The following MAPK10 variants were observed in gnomAD, a reference collection of about 807,000 sequenced individuals.
MAPK10 encodes JNK3 alpha protein kinase.
In MAPK10, 25 loss-of-function variants were observed where a neutral mutation model predicts 59.3. The ratio of observed to expected loss-of-function variants is 0.42; its 90% CI spans 0.31 to 0.59. The LOEUF (loss-of-function observed/expected upper bound fraction) is 0.59, where lower values mean the gene tolerates loss of function less well. MAPK10 is among the 20% of genes least tolerant of loss of function. The pLI, the probability that MAPK10 is intolerant of heterozygous loss-of-function variation, is 0.15. For missense variants in MAPK10, 351 were observed against 568.9 expected, an observed-to-expected ratio of 0.62 and a Z score of 3.90; for synonymous variants, 190 against 200.5, an observed-to-expected ratio of 0.95 and a Z score of 0.44.
intron 1 of MAPK10, among the ~76,000 whole-genome samples, chr4:86,496,587 C>A (rs928554429): frequency 1.3e-5 from 2 of 152,088 alleles, no homozygotes; most frequent in Non-Finnish European, 2.9e-5. Context: ...TTGAAAGGTA[C>A]AAGAATACAA....
intron 1 of MAPK10, among the ~76,000 whole-genome samples, chr4:86,541,745 G>T (rs1371954340): frequency 6.6e-5 from 10 of 152,176 alleles, no homozygotes; most frequent in Non-Finnish European, 1.5e-4. Context: ...GCAGCTCTGA[G>T]TTTCTGCTGC....
At chr4:86,358,154 C>G in intron 1 of MAPK10, 3 of 984,504 alleles carry the variant, frequency 3.0e-6, no homozygotes, top group Non-Finnish European at 3.6e-6. Context: ...GAGTCAGAAG[C>G]TTGTGATATA....
intron 4 of MAPK10, among the ~76,000 whole-genome samples, chr4:86,136,974 A>G (rs1581036638): frequency 6.6e-6 from 1 of 152,336 alleles, no homozygotes; most frequent in East Asian, 1.9e-4. Context: ...CAATTCAACA[A>G]GAAGAGCTAA....
At chr4:86,041,668 C>A (rs1371456930) in intron 11 of MAPK10, among the ~76,000 whole-genome samples, 1 of 152,134 alleles carries the variant, frequency 6.6e-6, no homozygotes, top group Non-Finnish European at 1.5e-5. Flanking sequence ...AGGACATGAA[C>A]AGACACTTCT....
chr4:86,173,628 G>T (rs573800264), intron 3 of MAPK10, among the ~76,000 whole-genome samples: 104 of 152,178 alleles, frequency 6.8e-4, no homozygotes, highest in African/African-American at 2.4e-3. Flanking sequence ...AAATTGACAA[G>T]TGGGATCTAA....
intron 3 of MAPK10, among the ~76,000 whole-genome samples, chr4:86,181,572 T>C (rs2076942012): frequency 6.6e-6 from 1 of 152,106 alleles, no homozygotes; most frequent in African/African-American, 2.4e-5. Context: ...TATGAGGATG[T>C]TGAAAAATTG....
intron 2 of MAPK10, among the ~76,000 whole-genome samples, chr4:86,228,985 C>G (rs1022537965): frequency 7.9e-5 from 12 of 152,112 alleles, no homozygotes; most frequent in African/African-American, 2.2e-4. Flanking sequence ...CTACAAGTCT[C>G]TAAATGTATC....
chr4:86,154,370 A>AG (rs1433959583), intron 4 of MAPK10, among the ~76,000 whole-genome samples: 2 of 152,104 alleles, frequency 1.3e-5, no homozygotes, highest in Non-Finnish European at 2.9e-5. Context: ...GAAAGATAGG[A>AG]GAAAAAAAAA....
In MAPK10 at chr4:86,571,238, A is replaced by G. The variant is rs142319653; in HGVS notation, c.-263+22672T>C. 5.4e-3 allele frequency among the ~76,000 whole-genome samples: 802 copies of G among 149,660 alleles called. 6 individuals carry two copies. Among genetic ancestry groups the G allele is most frequent in the South Asian group, 0.025 (119 of 4,788 alleles). ...TAAAAAATAAAATTAATTTAAAAAA[A>G]TCTTTGCAATGATATCCAAAATTTA... On this transcript the variant is annotated intron_variant, in intron 1 of 4. Transcript: ENST00000502302.
At position 86,015,557 on chromosome 4, in the gene MAPK10, T is replaced by TG. The variant is rs1289782059; in HGVS notation, c.*1670dup. 2 of 152,192 alleles carry TG rather than the reference T, an allele frequency of 1.3e-5. No individual in the cohort carries two copies. Among genetic ancestry groups the TG allele is most frequent in the Non-Finnish European group, 2.9e-5 (2 of 68,030 alleles). The allele number at this position is 152,192 out of a possible 1,614,324, so 9.4% of individuals were successfully genotyped here. A position where few individuals can be genotyped will look rare whatever the true frequency, so the allele number is the denominator to read the frequency against. On this transcript the variant is annotated 3_prime_UTR_variant, in exon 14 of 14. Transcript: ENST00000641462. ...AGCCTGATTATTGCTGAGATCACCT[T>TG]GGTATTGCCTTGTACATAACCAAGA...
At chr4:86,173,482 A>G (rs1053900593) in intron 3 of MAPK10, among the ~76,000 whole-genome samples, 1 of 152,186 alleles carries the variant, frequency 6.6e-6, no homozygotes, top group Non-Finnish European at 1.5e-5. Flanking sequence ...GAGATGGATT[A>G]AAGACTTAAA....
At chr4:86,422,421 T>C (rs1564840100) in intron 1 of MAPK10, among the ~76,000 whole-genome samples, 1 of 152,172 alleles carries the variant, frequency 6.6e-6, no homozygotes, top group African/African-American at 2.4e-5. Context: ...CAGGCACAGG[T>C]GACAAAGAGG....
chr4:86,216,453 A>T (rs1432526328), intron 2 of MAPK10, among the ~76,000 whole-genome samples: 3 of 151,666 alleles, frequency 2.0e-5, no homozygotes, highest in Non-Finnish European at 2.9e-5. Flanking sequence ...AATGGTGAAG[A>T]TGGCAAATTT....
At chr4:86,211,683 A>G (rs2085859536) in intron 2 of MAPK10, among the ~76,000 whole-genome samples, 1 of 152,156 alleles carries the variant, frequency 6.6e-6, no homozygotes, top group Non-Finnish European at 1.5e-5. Flanking sequence ...TATTATTGCA[A>G]TAATCATTTG....
At chr4:86,407,195 A>G (rs1169602041) in intron 1 of MAPK10, among the ~76,000 whole-genome samples, 2 of 152,314 alleles carry the variant, frequency 1.3e-5, no homozygotes, top group Non-Finnish European at 1.5e-5. Flanking sequence ...CAGGCTTTGT[A>G]TTAAGTCTTT....
rs572374105 is a variant in MAPK10 at position 86,336,295 on chromosome 4, A to G, written c.-7+18235T>C. On this transcript the variant is annotated intron_variant, in intron 2 of 13. Transcript: ENST00000641462. ...ATTTTGGGTAAGATAAACCATTATA[A>G]CTAACTCCAGAACTTGGTCTTAGCT... The G allele has an allele frequency of 3.3e-5, 5 of 152,292 alleles. No homozygotes were observed. In the South Asian group the frequency reaches 1.0e-3, roughly 32 times the overall value. The allele number at this position is 152,292 out of a possible 1,614,324, so 9.4% of individuals were successfully genotyped here.
chr4:86,474,694 T>C (rs535575477), intron 1 of MAPK10, among the ~76,000 whole-genome samples: 29 of 152,318 alleles, frequency 1.9e-4, no homozygotes, highest in Non-Finnish European at 3.4e-4. Context: ...AAGTACTGAC[T>C]AGCAGCTAAT....
At chr4:86,323,583 T>A (rs946217510) in intron 2 of MAPK10, among the ~76,000 whole-genome samples, 1 of 152,172 alleles carries the variant, frequency 6.6e-6, no homozygotes, top group Non-Finnish European at 1.5e-5. Context: ...CAGCAGTCTA[T>A]ACAAAATCTA....
intron 2 of MAPK10, among the ~76,000 whole-genome samples, chr4:86,245,671 T>C (rs1285654796): frequency 5.3e-5 from 8 of 152,066 alleles, no homozygotes; most frequent in Non-Finnish European, 7.4e-5. Flanking sequence ...CATATCTCTA[T>C]CTTTAGTTAT....
Sources: gnomAD v4.1 joint callset for allele counts (sites outside exome capture counted in the v4.1 genomes callset) on GRCh38, gnomAD v4.1.1 for gene constraint, MANE v1.5 for transcripts, NCBI Gene and HGNC (gene_info 2026-07-23, HGNC 2026-07-21) for gene names.